MAST4: variants seen among roughly 807,000 people sequenced by gnomAD.
MAST4 encodes the protein microtubule-associated serine/threonine-protein kinase 4.
MAST4 carries 89 observed loss-of-function variants against 162.7 expected under a neutral mutation model. That is an observed-to-expected ratio of 0.55 (90% CI 0.46 to 0.65). The LOEUF (loss-of-function observed/expected upper bound fraction) is 0.65, where lower values mean the gene tolerates loss of function less well. Ranked by LOEUF, MAST4 falls within the 30% of genes least tolerant of loss-of-function variation. The pLI is 0.00. For synonymous variants in MAST4, 1,479 were observed against 1,361.1 expected (o/e 1.09, Z -1.91); for missense variants, 3,153 against 3,374.0 (o/e 0.93, Z 1.62).
chr5:66,837,462 A>G (rs1217792986), intron 3 of MAST4, among the ~76,000 whole-genome samples: 1 of 152,082 alleles, frequency 6.6e-6, no homozygotes, highest in African/African-American at 2.4e-5. Context: ...TTGTCTAAGA[A>G]AAGCCTTTAT....
At chr5:66,758,365 T>A (rs1483354205) in intron 1 of MAST4, among the ~76,000 whole-genome samples, 1 of 151,642 alleles carries the variant, frequency 6.6e-6, no homozygotes, top group Non-Finnish European at 1.5e-5. Context: ...AATAGTTTTA[T>A]AGAACTATTA....
At chr5:66,642,411 A>G (rs1320021369) in intron 1 of MAST4, among the ~76,000 whole-genome samples, 1 of 152,250 alleles carries the variant, frequency 6.6e-6, no homozygotes, top group African/African-American at 2.4e-5. Context: ...TCTTGGTTCA[A>G]CAGACCATCT....
chr5:66,654,738 G>GT (rs1348200556), intron 1 of MAST4, among the ~76,000 whole-genome samples: 1 of 152,126 alleles, frequency 6.6e-6, no homozygotes, highest in Non-Finnish European at 1.5e-5. Flanking sequence ...TGTTAAGATT[G>GT]TTTTTAAGCA....
chr5:66,871,765 T>C (rs1295344622), intron 3 of MAST4, among the ~76,000 whole-genome samples: 1 of 152,152 alleles, frequency 6.6e-6, no homozygotes, highest in African/African-American at 2.4e-5. Context: ...TCTCTCACCT[T>C]TTGAGTGGAC....
chr5:66,648,088 G>GAC, intron 1 of MAST4, among the ~76,000 whole-genome samples: 1 of 93,082 alleles, frequency 1.1e-5, no homozygotes, highest in African/African-American at 4.7e-5. Context: ...GTGTGTGAGA[G>GAC]AGAGAGAGAG....
intron 4 of MAST4, among the ~76,000 whole-genome samples, chr5:66,923,470 G>C (rs1764677163): frequency 6.6e-6 from 1 of 152,226 alleles, no homozygotes. Context: ...GCCATTGAGA[G>C]AATTGCCACA....
At chr5:66,766,239 A>T (rs1026013924) in intron 2 of MAST4, among the ~76,000 whole-genome samples, 1 of 152,158 alleles carries the variant, frequency 6.6e-6, no homozygotes, top group South Asian at 2.1e-4. Flanking sequence ...CAGCCAGAGA[A>T]TGAGTGCTGC....
intron 24 of MAST4, among the ~76,000 whole-genome samples, chr5:67,150,237 G>A (rs1771628457): frequency 6.6e-6 from 1 of 152,190 alleles, no homozygotes; most frequent in Admixed American, 6.5e-5. Context: ...CACTAACTCT[G>A]TAGTAATCCC....
At position 66,917,371 on chromosome 5, in the gene MAST4, G is replaced by C. The variant is rs112945129; in HGVS notation, c.674+17389G>C. The C allele has an allele frequency of 3.6e-5, 7 of 195,408 alleles. 1 individual carries two copies. Among genetic ancestry groups the C allele is most frequent in the African/African-American group, 1.6e-4 (7 of 43,062 alleles). 12.1% of individuals were successfully genotyped at this position (195,408 alleles called of 1,614,324 possible). A position where few individuals can be genotyped will look rare whatever the true frequency, so the allele number is the denominator to read the frequency against. On this transcript the variant is annotated intron_variant, in intron 4 of 28. Transcript: ENST00000403625. ...TGGTATGTGTGCAAATGTCTTTGCA[G>C]TTTTTATCTGTTTATGATGTCTTTT...
chr5:67,115,366 G>C (rs570154545), intron 12 of MAST4, among the ~76,000 whole-genome samples: 1 of 152,378 alleles, frequency 6.6e-6, no homozygotes, highest in Non-Finnish European at 1.5e-5. Flanking sequence ...TGTTGGCACA[G>C]AGATTTTCCC....
In MAST4 at chr5:67,164,823, G is replaced by A. The variant is rs756019441; in HGVS notation, c.5644G>A (p.Gly1882Ser). 91 of 1,613,870 alleles carry A rather than the reference G, an allele frequency of 5.6e-5. 1 individual carries two copies. The highest frequency in any genetic ancestry group is 7.6e-5 in the Non-Finnish European group (90 of 1,179,900). The change falls in exon 29 of 29, where the codon GGT becomes AGT. Residue 1882 changes from glycine to serine, a missense_variant. Physicochemically the swap from Gly to Ser is moderately conservative, Grantham distance 56 (BLOSUM62 0). This residue lies in a region of MAST4 where 1,644 missense variants were observed against 1,495.0 expected (regional missense o/e 1.10). Transcript: ENST00000403625. This position sits in a 1 kb window ranked among gnomAD's most constrained non-coding sequence, Gnocchi z 5.3. ...GCCTTGGTTCCTGCCCCCCAGCCGA[G>A]GTCTCCAGAATTCACCAGCAGTTTC... ...LEPWFLPPSR[G>S]LQNSPAVSLP...
intron 26 of MAST4, among the ~76,000 whole-genome samples, chr5:67,159,104 C>T (rs1397165556): frequency 1.3e-5 from 2 of 152,044 alleles, no homozygotes; most frequent in East Asian, 1.9e-4. Flanking sequence ...CCCATCTGAT[C>T]GGATATATTG....
intron 3 of MAST4, among the ~76,000 whole-genome samples, chr5:66,862,716 G>A (rs750142290): frequency 5.3e-5 from 8 of 152,260 alleles, no homozygotes; most frequent in South Asian, 2.1e-4. Context: ...GAATTTACTC[G>A]TCTATAAAAC....
At chr5:66,948,498 TTAGG>T (rs774613561) in intron 4 of MAST4, among the ~76,000 whole-genome samples, 75 of 152,040 alleles carry the variant, frequency 4.9e-4, no homozygotes, top group Non-Finnish European at 9.9e-4. Flanking sequence ...CTCGCCAAGC[TTAGG>T]TAGGGCACAG....
chr5:66,819,672 G>T (rs1756896383), intron 3 of MAST4, among the ~76,000 whole-genome samples: 2 of 152,022 alleles, frequency 1.3e-5, no homozygotes, highest in Admixed American at 6.6e-5. Flanking sequence ...AAATTTTCCA[G>T]AGTTTTTTCC....
chr5:67,136,546 A>C lies in MAST4; in HGVS notation c.2393-17A>C, dbSNP rs1769666613. On this transcript the variant is annotated splice_polypyrimidine_tract_variant and intron_variant, in intron 18 of 28. Coordinates refer to ENST00000403625, the MANE Select transcript of MAST4 (RefSeq NM_001164664.2). ...CTTGTGAACAATATGGTTATAAACA[A>C]CTTTTCTTCCTTCTAGATGAGATCA... The C allele has an allele frequency of 6.4e-7, 1 of 1,572,238 alleles. No homozygotes were observed. The highest frequency in any genetic ancestry group is 8.7e-7 in the Non-Finnish European group (1 of 1,154,400).
chr5:66,782,148 G>C (rs866056364), intron 2 of MAST4, among the ~76,000 whole-genome samples: 2 of 152,008 alleles, frequency 1.3e-5, no homozygotes, highest in African/African-American at 2.4e-5. Flanking sequence ...AATTAGGCAG[G>C]CATGGTGGTG....
chr5:66,996,073 T>C (rs1209202057), intron 4 of MAST4, among the ~76,000 whole-genome samples: 1 of 151,880 alleles, frequency 6.6e-6, no homozygotes, highest in African/African-American at 2.4e-5. Context: ...AGGTCAGGAG[T>C]TTGAGACCAG....
intron 3 of MAST4, among the ~76,000 whole-genome samples, chr5:66,848,037 A>T (rs1759015316): frequency 6.6e-6 from 1 of 152,096 alleles, no homozygotes; most frequent in Non-Finnish European, 1.5e-5. Context: ...CCCAGTGGAT[A>T]AATCCTTTAT....
Sources: gnomAD v4.1 joint callset for allele counts (sites outside exome capture counted in the v4.1 genomes callset) on GRCh38, gnomAD v4.1.1 for gene constraint, gnomAD v4.1.1 regional missense constraint, Gnocchi (gnomAD v3.1) non-coding constraint, MANE v1.5 for transcripts, NCBI Gene and HGNC (gene_info 2026-07-23, HGNC 2026-07-21) for gene names.